The following FSTL5 variants were observed in gnomAD, a reference collection of about 807,000 sequenced individuals.
FSTL5 encodes the protein follistatin-related protein 5.
A neutral mutation model predicts 89.1 loss-of-function variants in FSTL5; 62 were observed. The ratio of observed to expected loss-of-function variants is 0.70; its 90% confidence interval spans 0.57 to 0.86. The LOEUF is 0.86. FSTL5 is among the 40% of genes least tolerant of loss of function. The pLI is 0.00. For synonymous variants in FSTL5, 383 were observed against 346.2 expected (o/e 1.11, Z -1.18); for missense variants, 1,057 against 1,001.6 (o/e 1.06, Z -0.75).
At chr4:161,875,482 G>A (rs1013014256) in intron 4 of FSTL5, among the ~76,000 whole-genome samples, 1 of 152,122 alleles carries the variant, frequency 6.6e-6, no homozygotes. Context: ...ACTGATGGCA[G>A]ACTACCACTT....
rs181432939 is a variant in FSTL5, at chr4:161,945,839, C to T, written c.161-25187G>A. 1.5e-3 allele frequency among the ~76,000 whole-genome samples: 225 copies of T among 152,178 alleles called. 1 individual carries two copies. Among genetic ancestry groups the T allele is most frequent in the Admixed American group, 0.011 (166 of 15,264 alleles). On this transcript the variant is annotated intron_variant, in intron 3 of 15. Transcript: ENST00000306100. ...AAAAATGTACTCAGGTGATACACAC[C>T]TTAAATATCCAAGTTGATCACTATA...
At chr4:161,929,641 T>C (rs1194494907) in intron 3 of FSTL5, among the ~76,000 whole-genome samples, 1 of 147,956 alleles carries the variant, frequency 6.8e-6, no homozygotes, top group Non-Finnish European at 1.5e-5. Context: ...ACTACCACTC[T>C]AGCAGATGTA....
chr4:162,139,454 C>CCA lies in FSTL5; in HGVS notation c.-17+24159_-17+24160dup, dbSNP rs140005000. On this transcript the variant is annotated intron_variant, in intron 1 of 15. Coordinates refer to ENST00000306100, the MANE Select transcript of FSTL5 (RefSeq NM_020116.5). ...ATATCATGAAAGTATACACACACGC[C>CCA]CACACACACACACACACAAACACAC... 2.1e-3 allele frequency among the ~76,000 whole-genome samples: 314 copies of CCA among 149,786 alleles called. 3 individuals are homozygous for CCA. Among genetic ancestry groups the CCA allele is most frequent in the African/African-American group, 6.1e-3 (251 of 40,896 alleles).
In FSTL5 at chr4:161,968,766, A is replaced by G. The variant is rs553020499; in HGVS notation, c.161-48114T>C. Among the ~76,000 whole-genome samples the G allele has an allele frequency of 1.2e-4, 18 of 152,218 alleles. No individual in the cohort carries two copies. In the South Asian group the frequency reaches 3.7e-3, roughly 32 times the overall value. ...AGTCAAGATTGTCGCAAACATCTTGATTATTCAAAGTTAATATTTGGTTTA... is the reference window on the plus strand; with the variant it reads ...AGTCAAGATTGTCGCAAACATCTTGGTTATTCAAAGTTAATATTTGGTTTA... On this transcript the variant is annotated intron_variant, in intron 3 of 15. Transcript: ENST00000306100.
At chr4:161,969,952 G>A (rs942994767) in intron 3 of FSTL5, among the ~76,000 whole-genome samples, 4 of 152,048 alleles carry the variant, frequency 2.6e-5, no homozygotes, top group Admixed American at 2.0e-4. Context: ...TGTGGGATTC[G>A]ATGCAGAGGG....
chr4:161,426,265 T>C (rs565457924), intron 15 of FSTL5, among the ~76,000 whole-genome samples: 39 of 152,306 alleles, frequency 2.6e-4, no homozygotes, highest in African/African-American at 8.7e-4. Flanking sequence ...CAAATTCTAA[T>C]ACCTAACCTC....
At chr4:161,860,103 G>A (rs34384892) in intron 4 of FSTL5, among the ~76,000 whole-genome samples, 68,191 of 151,354 alleles carry the variant, frequency 0.45, 15,670 homozygotes, top group Admixed American at 0.52. Context: ...CCTGGCTAGC[G>A]CAGTGAAACC....
chr4:161,471,613 T>A (rs1356593525), intron 13 of FSTL5, among the ~76,000 whole-genome samples: 1 of 152,198 alleles, frequency 6.6e-6, no homozygotes, highest in African/African-American at 2.4e-5. Flanking sequence ...TTTAGTAAGG[T>A]TTGAGAAATA....
At chr4:161,990,806 ACTCT>A (rs1213287297) in intron 3 of FSTL5, among the ~76,000 whole-genome samples, 3 of 152,068 alleles carry the variant, frequency 2.0e-5, no homozygotes, top group Admixed American at 6.6e-5. Flanking sequence ...TCACTCCTGA[ACTCT>A]CTCTATTAAA....
intron 6 of FSTL5, among the ~76,000 whole-genome samples, chr4:161,741,596 G>A (rs1740028744): frequency 6.6e-6 from 1 of 151,856 alleles, no homozygotes; most frequent in African/African-American, 2.4e-5. Flanking sequence ...CCAGATCTAA[G>A]GAATCCTCCA....
intron 4 of FSTL5, among the ~76,000 whole-genome samples, chr4:161,815,133 T>G (rs1730284034): frequency 6.6e-6 from 1 of 152,052 alleles, no homozygotes; most frequent in Non-Finnish European, 1.5e-5. Flanking sequence ...AAATTCAAGG[T>G]TAACAAGTCC....
intron 3 of FSTL5, among the ~76,000 whole-genome samples, chr4:162,022,550 C>T (rs1261384142): frequency 6.6e-6 from 1 of 152,084 alleles, no homozygotes; most frequent in Non-Finnish European, 1.5e-5. Flanking sequence ...ATGGTACCTT[C>T]TAGGGTAAAC....
At chr4:162,082,529 TTC>T (rs1730139990) in intron 2 of FSTL5, among the ~76,000 whole-genome samples, 1 of 42,002 alleles carries the variant, frequency 2.4e-5, no homozygotes, top group African/African-American at 5.6e-5. Flanking sequence ...GATAAACAAA[TTC>T]TTTTTTTTTT....
At chr4:161,610,365 C>A (rs141787048) in intron 7 of FSTL5, among the ~76,000 whole-genome samples, 1 of 152,070 alleles carries the variant, frequency 6.6e-6, no homozygotes. Flanking sequence ...ATGACTTAGT[C>A]AAAAATGGCA....
intron 13 of FSTL5, among the ~76,000 whole-genome samples, chr4:161,479,695 GT>G (rs1729432580): frequency 6.6e-6 from 1 of 152,114 alleles, no homozygotes; most frequent in African/African-American, 2.4e-5. Flanking sequence ...TAAAAAATGT[GT>G]AACCTCAGGG....
chr4:161,815,941 T>G (rs995154936), intron 4 of FSTL5, among the ~76,000 whole-genome samples: 1 of 152,144 alleles, frequency 6.6e-6, no homozygotes, highest in Non-Finnish European at 1.5e-5. Flanking sequence ...CTCACCAAAA[T>G]TTAAAAATAA....
intron 15 of FSTL5, 71 bp from the exon 16 acceptor site, chr4:161,386,520 C>T (rs770056290): frequency 2.5e-5 from 27 of 1,073,798 alleles, no homozygotes; most frequent in Non-Finnish European, 3.6e-5. Context: ...AAACTAGATA[C>T]AGGTGGAAAG....
chr4:161,507,840 A>G (rs1730530826), intron 11 of FSTL5, among the ~76,000 whole-genome samples: 1 of 151,952 alleles, frequency 6.6e-6, no homozygotes, highest in South Asian at 2.1e-4. Context: ...CATAGGTTTA[A>G]CATTTATAGA....
At chr4:161,486,800 T>TA (rs905819797) in intron 12 of FSTL5, among the ~76,000 whole-genome samples, 2 of 152,142 alleles carry the variant, frequency 1.3e-5, no homozygotes, top group Admixed American at 6.5e-5. Flanking sequence ...CCCTCTTTTG[T>TA]AAAAAAATAA....
Sources: allele counts gnomAD v4.1 joint callset (sites outside exome capture counted in the v4.1 genomes callset), GRCh38; gene constraint gnomAD v4.1.1; transcripts MANE v1.5; gene names NCBI Gene and HGNC (gene_info 2026-07-23, HGNC 2026-07-21).